Variants in SEMA3C observed in about 807,000 individuals in gnomAD.
SEMA3C encodes semaphorin 3C, also known as semaphorin-3C.
A neutral mutation model predicts 89.4 loss-of-function variants in SEMA3C; 47 were observed. That is an observed-to-expected ratio of 0.53 (90% CI 0.42 to 0.67). The LOEUF is 0.67. Ranked by LOEUF, SEMA3C falls within the 30% of genes least tolerant of loss-of-function variation. The probability of loss-of-function intolerance (pLI) is 0.00; values close to 1 mark genes in which losing one functional copy is unlikely to be tolerated. For synonymous variants in SEMA3C, 310 were observed against 320.2 expected (o/e 0.97, Z 0.34); for missense variants, 839 against 929.1 (o/e 0.90, Z 1.26).
intron 4 of SEMA3C, among the ~76,000 whole-genome samples, chr7:80,826,091 G>A (rs1430071351): frequency 1.3e-5 from 2 of 152,060 alleles, no homozygotes. Context: ...CTACCCTCCA[G>A]AGTCTTCCAT....
At chr7:80,831,994 T>G in intron 2 of SEMA3C, among the ~76,000 whole-genome samples, 1 of 152,194 alleles carries the variant, frequency 6.6e-6, no homozygotes, top group East Asian at 1.9e-4. Context: ...TAGAATTAGA[T>G]AATTAATTTA....
chr7:80,883,788 A>G (rs73141839), intron 2 of SEMA3C, among the ~76,000 whole-genome samples: 5,205 of 152,322 alleles, frequency 0.034, 140 homozygotes, highest in Non-Finnish European at 0.055. Flanking sequence ...AGCAAAAAAA[A>G]TGAGCACATC....
intron 11 of SEMA3C, among the ~76,000 whole-genome samples, chr7:80,797,848 A>C (rs1473370310): frequency 6.6e-6 from 1 of 152,104 alleles, no homozygotes; most frequent in Non-Finnish European, 1.5e-5. Flanking sequence ...AAACACAAAA[A>C]TTAGCCGGGC....
intron 11 of SEMA3C, among the ~76,000 whole-genome samples, chr7:80,797,189 C>A (rs1789085368): frequency 6.6e-6 from 1 of 150,728 alleles, no homozygotes; most frequent in South Asian, 2.1e-4. Context: ...GATTATATTT[C>A]TCTTAATGTT....
chr7:80,887,322 T>C (rs1332441058), intron 2 of SEMA3C, among the ~76,000 whole-genome samples: 1 of 152,180 alleles, frequency 6.6e-6, no homozygotes, highest in Non-Finnish European at 1.5e-5. Context: ...AACAAGTCAA[T>C]AAATAGAAAA....
At chr7:80,814,996 G>A (rs1789565572) in intron 5 of SEMA3C, among the ~76,000 whole-genome samples, 1 of 152,098 alleles carries the variant, frequency 6.6e-6, no homozygotes, top group Admixed American at 6.6e-5. Context: ...TTCTGTTCCT[G>A]CCATTTTCTG....
At chr7:80,875,746 G>A (rs753976290) in intron 2 of SEMA3C, among the ~76,000 whole-genome samples, 54 of 151,488 alleles carry the variant, frequency 3.6e-4, no homozygotes, top group Non-Finnish European at 4.7e-4. Context: ...CTAGTAATCC[G>A]TACTTTACTT....
intron 2 of SEMA3C, among the ~76,000 whole-genome samples, chr7:80,894,932 T>C (rs562703503): frequency 6.6e-6 from 1 of 152,284 alleles, no homozygotes; most frequent in South Asian, 2.1e-4. Flanking sequence ...TTCATCTCTT[T>C]GGGCCTCCCT....
rs142837209 is a variant in SEMA3C at position 80,916,628 on chromosome 7, T to C, written c.103+51A>G. On this transcript the variant is annotated intron_variant, in intron 2 of 17. Coordinates refer to ENST00000265361, the MANE Select transcript of SEMA3C (RefSeq NM_006379.5). The stretch of plus-strand genomic sequence containing the variant: ...AATTTCTGAATCTGGATAAGGAAGA[T>C]AACAAAACTTAAAATAACATTTTTC... 19 of 1,526,496 alleles carry C rather than the reference T, an allele frequency of 1.2e-5. No individual in the cohort carries two copies. In the East Asian group the frequency reaches 3.9e-4, roughly 31 times the overall value. The allele number at this position is 1,526,496 out of a possible 1,614,324, so 94.6% of individuals were successfully genotyped here. A position where few individuals can be genotyped will look rare whatever the true frequency, so the allele number is the denominator to read the frequency against.
At chr7:80,748,272 C>T (rs1787844275) in intron 17 of SEMA3C, among the ~76,000 whole-genome samples, 1 of 151,982 alleles carries the variant, frequency 6.6e-6, no homozygotes, top group African/African-American at 2.4e-5. Context: ...CAATGTCTCC[C>T]TTATTTAAAA....
intron 2 of SEMA3C, among the ~76,000 whole-genome samples, chr7:80,883,631 T>C (rs1791404714): frequency 6.6e-6 from 1 of 152,236 alleles, no homozygotes; most frequent in Admixed American, 6.5e-5. Flanking sequence ...TTTTGTCCTA[T>C]GACTCACCCA....
At chr7:80,814,971 T>C (rs1396096485) in intron 5 of SEMA3C, among the ~76,000 whole-genome samples, 1 of 152,166 alleles carries the variant, frequency 6.6e-6, no homozygotes, top group Non-Finnish European at 1.5e-5. Context: ...ACCTAACACA[T>C]AAGTGACAAC....
intron 2 of SEMA3C, among the ~76,000 whole-genome samples, chr7:80,832,919 C>T (rs573300264): frequency 6.6e-6 from 1 of 152,266 alleles, no homozygotes; most frequent in Admixed American, 6.5e-5. Context: ...TGAGGGTCCA[C>T]AAACCCCCAT....
rs1449995090 is a variant in SEMA3C at position 80,754,957 on chromosome 7, G to GTTTTTTTTTTGTTTTTTTTTTTTTTTTTT, written c.1643+3373_1643+3374insAAAAAAAAAAAAAAAAAACAAAAAAAAAA. On this transcript the variant is annotated intron_variant, in intron 15 of 17. Transcript: ENST00000265361. The stretch of plus-strand genomic sequence containing the variant: ...CATGCCTGGCGAATTGTTTTTTTTT[G>GTTTTTTTTTTGTTTTTTTTTTTTTTTTTT]TTTTTTTTTTTTTTGTATTTTTAGT... Among the ~76,000 whole-genome samples the GTTTTTTTTTTGTTTTTTTTTTTTTTTTTT allele has an allele frequency of 2.1e-4, 23 of 108,364 alleles. 2 individuals are homozygous for GTTTTTTTTTTGTTTTTTTTTTTTTTTTTT. The highest frequency in any genetic ancestry group is 2.8e-4 in the Non-Finnish European group (15 of 53,968). 71.1% of individuals were successfully genotyped at this position (108,364 alleles called of 152,430 possible).
intron 2 of SEMA3C, among the ~76,000 whole-genome samples, chr7:80,883,551 C>A (rs1791402500): frequency 6.6e-6 from 1 of 152,224 alleles, no homozygotes; most frequent in Non-Finnish European, 1.5e-5. Flanking sequence ...AGGCCTCTTA[C>A]TTCCCCAGTT....
At chr7:80,765,303 A>C in intron 12 of SEMA3C, 60 bp from the exon 13 acceptor site, 7 of 1,206,066 alleles carry the variant, frequency 5.8e-6, no homozygotes, top group Non-Finnish European at 8.6e-6. Flanking sequence ...AGCTATTTAG[A>C]CATAGGACTA....
chr7:80,867,780 C>T (rs1376110111), intron 2 of SEMA3C, among the ~76,000 whole-genome samples: 4 of 152,098 alleles, frequency 2.6e-5, no homozygotes, highest in Non-Finnish European at 5.9e-5. Flanking sequence ...GAAGGAAACA[C>T]TCAAAATCTT....
chr7:80,786,752 T>A (rs1361123190), intron 12 of SEMA3C, among the ~76,000 whole-genome samples: 1 of 152,244 alleles, frequency 6.6e-6, no homozygotes, highest in Non-Finnish European at 1.5e-5. Flanking sequence ...TCAATTTATC[T>A]TGACAAATAT....
chr7:80,819,597 T>C (rs1447703861), intron 4 of SEMA3C, among the ~76,000 whole-genome samples: 1 of 152,210 alleles, frequency 6.6e-6, no homozygotes, highest in African/African-American at 2.4e-5. Flanking sequence ...CTATGAGGAA[T>C]GACATAATCA....
Sources: allele counts gnomAD v4.1 joint callset (sites outside exome capture counted in the v4.1 genomes callset), GRCh38; gene constraint gnomAD v4.1.1; transcripts MANE v1.5; gene names NCBI Gene and HGNC (gene_info 2026-07-23, HGNC 2026-07-21).